Variants in CDC42BPB observed in about 807,000 individuals in gnomAD.
CDC42BPB encodes the protein CDC42 binding protein kinase beta.
CDC42BPB carries 37 observed loss-of-function variants against 214.9 expected under a neutral mutation model. The ratio of observed to expected loss-of-function variants is 0.17; its 90% confidence interval spans 0.13 to 0.23. CDC42BPB has a LOEUF of 0.23. Among genes scored for constraint, CDC42BPB ranks in the 10% least tolerant of loss-of-function variants. The pLI is 1.00. For missense variants in CDC42BPB, 1,694 were observed against 2,227.0 expected, an observed-to-expected ratio of 0.76 and a Z score of 4.82; for synonymous variants, 931 against 884.0, an observed-to-expected ratio of 1.05 and a Z score of -0.94.
chr14:103,051,073 AC>A (rs2139783994), intron 1 of CDC42BPB, among the ~76,000 whole-genome samples: 1 of 137,594 alleles, frequency 7.3e-6, no homozygotes, highest in East Asian at 2.3e-4. Context: ...CTAACCAAAA[AC>A]CTAACCCCCA....
chr14:102,966,398 GA>G lies in CDC42BPB; in HGVS notation c.2472-12del. 6.2e-7 allele frequency: 1 copy of G among 1,612,522 alleles called. No individual in the cohort carries two copies. The highest frequency in any genetic ancestry group is 8.5e-7 in the Non-Finnish European group (1 of 1,178,892). ...TTCTCGTCACTGACCCTGGAGGAGGGAACAGATGTTCTATCTCACGAAGCAT... is the reference window on the plus strand; with the variant it reads ...TTCTCGTCACTGACCCTGGAGGAGGGACAGATGTTCTATCTCACGAAGCAT... On this transcript the variant is annotated splice_polypyrimidine_tract_variant and intron_variant, in intron 17 of 36. Coordinates refer to ENST00000361246, the MANE Select transcript of CDC42BPB (RefSeq NM_006035.4).
At chr14:102,978,403 T>C in intron 8 of CDC42BPB, 198 bp from the exon 9 acceptor site, 1 of 894,488 alleles carries the variant, frequency 1.1e-6, no homozygotes, top group Non-Finnish European at 1.3e-6. Flanking sequence ...CTGTACGCTG[T>C]ATGTACAATA....
At chr14:102,955,888 T>C (rs1397970981) in intron 21 of CDC42BPB, among the ~76,000 whole-genome samples, 2 of 152,170 alleles carry the variant, frequency 1.3e-5, no homozygotes, top group South Asian at 2.1e-4. Context: ...TGCAATTAAT[T>C]AGGCCACTGA....
intron 6 of CDC42BPB, among the ~76,000 whole-genome samples, chr14:102,984,767 C>T (rs570769928): frequency 3.9e-5 from 6 of 152,134 alleles, no homozygotes; most frequent in Non-Finnish European, 8.8e-5. Context: ...GAAGGCCAGG[C>T]TCTCCCGAGG....
rs1595480885 is a variant in CDC42BPB at position 102,972,170 on chromosome 14, A to T, written c.1642-9T>A. The T allele has an allele frequency of 6.2e-7, 1 of 1,613,020 alleles. No individual in the cohort carries two copies. The highest frequency in any genetic ancestry group is 2.2e-5 in the East Asian group (1 of 44,844). The stretch of plus-strand genomic sequence containing the variant: ...GAGGCTTCAACCAGTTGCTGAACAA[A>T]AACAATTATAGATGTTTTACGTTTG... On this transcript the variant is annotated splice_polypyrimidine_tract_variant and intron_variant, in intron 12 of 36. Coordinates refer to ENST00000361246, the MANE Select transcript of CDC42BPB (RefSeq NM_006035.4).
chr14:103,053,640 T>C (rs1037300598), intron 1 of CDC42BPB, among the ~76,000 whole-genome samples: 1 of 149,784 alleles, frequency 6.7e-6, no homozygotes, highest in Admixed American at 6.7e-5. Context: ...CGGGCGCCTG[T>C]AGTCCCAGCT....
Position 103,057,290 on chromosome 14 carries a change from C to G in CDC42BPB, c.-117G>C. The G allele has an allele frequency of 1.8e-6, 2 of 1,101,334 alleles. No homozygotes were observed. The highest frequency in any genetic ancestry group is 2.2e-6 in the Non-Finnish European group (2 of 905,840). The allele number at this position is 1,101,334 out of a possible 1,614,324, so 68.2% of individuals were successfully genotyped here. A position where few individuals can be genotyped will look rare whatever the true frequency, so the allele number is the denominator to read the frequency against. On this transcript the variant is annotated 5_prime_UTR_variant, in exon 1 of 37. Transcript: ENST00000361246. The stretch of plus-strand genomic sequence containing the variant: ...AGCCCCGGCAGCAGCGGCGCCTCCT[C>G]GCCGCCCCGTCCGCGTCGTCGCGCC...
intron 21 of CDC42BPB, chr14:102,954,890 C>A (rs1341161086): frequency 1.2e-6 from 1 of 825,580 alleles, no homozygotes; most frequent in African/African-American, 1.8e-5. Context: ...CCCTGAGGAC[C>A]CCTGCACTTG....
intron 16 of CDC42BPB, 123 bp from the exon 17 acceptor site, chr14:102,967,293 CA>C: frequency 7.0e-7 from 1 of 1,423,016 alleles, no homozygotes; most frequent in South Asian, 1.6e-5. Context: ...GAGATTTTTC[CA>C]AACTAAGTTC....
intron 3 of CDC42BPB, among the ~76,000 whole-genome samples, chr14:103,007,900 G>A (rs1015777932): frequency 4.6e-5 from 7 of 152,216 alleles, no homozygotes; most frequent in African/African-American, 1.7e-4. Context: ...GAGAGGAAAA[G>A]CGTGGGCTCC....
chr14:103,042,028 C>T (rs1327515864), intron 1 of CDC42BPB: 1 of 219,272 alleles, frequency 4.6e-6, no homozygotes, highest in South Asian at 7.2e-5. Flanking sequence ...TGCTGACGCC[C>T]GGCTCTTTGG....
rs573455073 is a variant in CDC42BPB, at chr14:102,966,518, T to C, written c.2472-131A>G. The C allele has an allele frequency of 6.4e-5, 94 of 1,468,430 alleles. No homozygotes were observed. In the African/African-American group the frequency reaches 1.2e-3, roughly 19 times the overall value. 91.0% of individuals were successfully genotyped at this position (1,468,430 alleles called of 1,614,324 possible). A position where few individuals can be genotyped will look rare whatever the true frequency, so the allele number is the denominator to read the frequency against. ...CACGTCAGCTAGAGTGCCCGCAGTGTACCCGTTGTATACACGGGATCTCAT... is the reference window on the plus strand; with the variant it reads ...CACGTCAGCTAGAGTGCCCGCAGTGCACCCGTTGTATACACGGGATCTCAT... On this transcript the variant is annotated intron_variant, in intron 17 of 36. Transcript: ENST00000361246.
chr14:102,941,847 A>G (rs2139353147), intron 30 of CDC42BPB, among the ~76,000 whole-genome samples: 2 of 152,312 alleles, frequency 1.3e-5, no homozygotes, highest in Middle Eastern at 6.8e-3. Flanking sequence ...CCACCCACAC[A>G]GGGCACTAGC....
intron 5 of CDC42BPB, among the ~76,000 whole-genome samples, chr14:102,997,964 G>T (rs1038748165): frequency 6.6e-6 from 1 of 152,152 alleles, no homozygotes; most frequent in African/African-American, 2.4e-5. Context: ...GGCCAACATG[G>T]CGAAATCCCA....
chr14:102,948,685 G>A (rs1193925242), intron 26 of CDC42BPB, among the ~76,000 whole-genome samples: 2 of 114,754 alleles, frequency 1.7e-5, no homozygotes, highest in East Asian at 3.0e-4. Context: ...GGGGGTGGGT[G>A]TGGAGGTGAG....
At chr14:102,993,884 C>T (rs1162640564) in intron 5 of CDC42BPB, among the ~76,000 whole-genome samples, 1 of 152,168 alleles carries the variant, frequency 6.6e-6, no homozygotes, top group Non-Finnish European at 1.5e-5. Flanking sequence ...TAGACTGGAA[C>T]AAACTGGTTC....
chr14:102,981,060 GCATT>G (rs754932365), intron 7 of CDC42BPB, 39 bp from the exon 8 acceptor site: 58 of 1,612,806 alleles, frequency 3.6e-5, no homozygotes, highest in Admixed American at 8.3e-5. Flanking sequence ...ACAGGTGGAC[GCATT>G]CAGAGAGTTT....
At chr14:102,961,812 G>A (rs1892975476) in intron 20 of CDC42BPB, among the ~76,000 whole-genome samples, 1 of 152,124 alleles carries the variant, frequency 6.6e-6, no homozygotes, top group Non-Finnish European at 1.5e-5. Flanking sequence ...CGAAGTGTTG[G>A]GATTACAGGC....
rs186742703 is a variant in CDC42BPB at position 102,947,878 on chromosome 14, C to T, written c.3450-76G>A. 907 of 1,603,468 alleles carry T rather than the reference C, an allele frequency of 5.7e-4. 6 individuals carry two copies. The African/African-American group carries it at 0.011, about 19-fold the overall frequency. On this transcript the variant is annotated intron_variant, in intron 26 of 36. Transcript: ENST00000361246. ...AAGGCCCTCCCACGCCCTGCCCTGC[C>T]CTGCCCTGCCATGTCCTTCCACCAC...
Sources: allele counts gnomAD v4.1 joint callset (sites outside exome capture counted in the v4.1 genomes callset), GRCh38; gene constraint gnomAD v4.1.1; transcripts MANE v1.5; gene names NCBI Gene and HGNC (gene_info 2026-07-23, HGNC 2026-07-21).